The following DOCK8 variants were observed in gnomAD, a reference collection of about 807,000 sequenced individuals.
DOCK8 encodes dedicator of cytokinesis 8.
Under a neutral mutation model 245.6 loss-of-function variants are expected in DOCK8, and 141 were observed. That is an observed-to-expected ratio of 0.57 (90% confidence interval 0.50 to 0.66). The LOEUF (loss-of-function observed/expected upper bound fraction) is 0.66, where lower values mean the gene tolerates loss of function less well. DOCK8 is among the 30% of genes least tolerant of loss of function. The pLI is 0.00. For missense variants in DOCK8, 2,965 were observed against 2,603.4 expected (o/e 1.14, Z -3.02); for synonymous variants, 1,168 against 970.2 (o/e 1.20, Z -3.79).
chr9:296,193 G>A (rs2049253548), intron 4 of DOCK8, among the ~76,000 whole-genome samples: 1 of 152,144 alleles, frequency 6.6e-6, no homozygotes, highest in South Asian at 2.1e-4. Flanking sequence ...CGCCATGTTT[G>A]CTTGTTTGTC....
chr9:216,614 A>G (rs796605935), intron 1 of DOCK8, among the ~76,000 whole-genome samples: 1 of 150,778 alleles, frequency 6.6e-6, no homozygotes, highest in African/African-American at 2.4e-5. Flanking sequence ...TTTCTACATT[A>G]AGGTTCATAG....
At chr9:315,883 C>G (rs564437106) in intron 6 of DOCK8, among the ~76,000 whole-genome samples, 105 of 152,244 alleles carry the variant, frequency 6.9e-4, no homozygotes, top group Middle Eastern at 6.8e-3. Flanking sequence ...AGGTTGTTTT[C>G]CAGTTAGGGA....
intron 1 of DOCK8, among the ~76,000 whole-genome samples, chr9:233,443 C>T (rs373257294): frequency 3.3e-5 from 5 of 151,996 alleles, no homozygotes; most frequent in African/African-American, 9.7e-5. Flanking sequence ...GTCAATTCCT[C>T]GGTATCCTTG....
intron 10 of DOCK8, among the ~76,000 whole-genome samples, chr9:333,587 T>A (rs760617382): frequency 6.9e-6 from 1 of 144,534 alleles, no homozygotes; most frequent in Admixed American, 6.9e-5. Context: ...GGTGACAGAG[T>A]GAGACTCTGT....
chr9:252,675 A>T (rs1336723498), intron 1 of DOCK8, among the ~76,000 whole-genome samples: 1 of 151,594 alleles, frequency 6.6e-6, no homozygotes, highest in Non-Finnish European at 1.5e-5. Context: ...CTGGTGATGC[A>T]TGCCTGTAGC....
intron 6 of DOCK8, chr9:314,438 A>G (rs559533819): frequency 1.3e-5 from 2 of 152,338 alleles, no homozygotes; most frequent in South Asian, 4.1e-4. Flanking sequence ...AGAATGTTCC[A>G]TCTGAACAGA....
intron 6 of DOCK8, 23 bp from the exon 7 acceptor site, chr9:317,020 C>T: frequency 6.3e-7 from 1 of 1,586,514 alleles, no homozygotes. Context: ...CTAATGATTT[C>T]CTTACGATGT....
chr9:258,752 C>T (rs1399252455), intron 1 of DOCK8, among the ~76,000 whole-genome samples: 1 of 151,908 alleles, frequency 6.6e-6, no homozygotes, highest in South Asian at 2.1e-4. Context: ...CATGTGCCAC[C>T]ATGCCCGGAT....
At chr9:416,931 G>C (rs2056044284) in intron 29 of DOCK8, among the ~76,000 whole-genome samples, 1 of 152,228 alleles carries the variant, frequency 6.6e-6, no homozygotes, top group African/African-American at 2.4e-5. Flanking sequence ...ATCAGGTCTT[G>C]CATAATTTCC....
intron 4 of DOCK8, among the ~76,000 whole-genome samples, chr9:302,067 G>A (rs1007993938): frequency 6.6e-6 from 1 of 151,584 alleles, no homozygotes; most frequent in African/African-American, 2.4e-5. Flanking sequence ...AAAGAACAAA[G>A]CCGGTGGCAT....
At chr9:428,230 A>T in intron 34 of DOCK8, 132 bp from the exon 35 acceptor site, 4 of 1,391,974 alleles carry the variant, frequency 2.9e-6, no homozygotes, top group South Asian at 2.4e-5. Flanking sequence ...GATGATACCC[A>T]TGGTGGCTCA....
At chr9:288,499 A>G (rs1563879504) in intron 3 of DOCK8, among the ~76,000 whole-genome samples, 1 of 152,250 alleles carries the variant, frequency 6.6e-6, no homozygotes, top group Non-Finnish European at 1.5e-5. Context: ...ATTAATACAT[A>G]TAAAGTGATT....
At chr9:403,932 G>A (rs180727651) in intron 26 of DOCK8, among the ~76,000 whole-genome samples, 1,374 of 80,428 alleles carry the variant, frequency 0.017, 63 homozygotes, top group African/African-American at 0.074. Flanking sequence ...ATATATATGT[G>A]TATATATATA....
chr9:427,080 C>G (rs1297001524), intron 34 of DOCK8, 99 bp downstream of exon 34: 2 of 972,672 alleles, frequency 2.1e-6, no homozygotes, highest in African/African-American at 1.6e-5. Flanking sequence ...TAAATGTGAT[C>G]CCATAGTACC....
intron 1 of DOCK8, among the ~76,000 whole-genome samples, chr9:269,207 C>G (rs1355772269): frequency 6.6e-6 from 1 of 152,228 alleles, no homozygotes; most frequent in Admixed American, 6.5e-5. Flanking sequence ...CAGCCACTCT[C>G]CATTTCTCTA....
At chr9:360,115 A>C (rs1244820363) in intron 14 of DOCK8, among the ~76,000 whole-genome samples, 1 of 152,080 alleles carries the variant, frequency 6.6e-6, no homozygotes, top group African/African-American at 2.4e-5. Context: ...CAGGAGTTCG[A>C]CACCAGCCTG....
intron 1 of DOCK8, among the ~76,000 whole-genome samples, chr9:219,770 ACCTG>A (rs2046842979): frequency 6.6e-6 from 1 of 152,018 alleles, no homozygotes; most frequent in Non-Finnish European, 1.5e-5. Context: ...GGTGGCTTGC[ACCTG>A]TAGTCCCAGC....
At chr9:219,635 A>C (rs1218431350) in intron 1 of DOCK8, among the ~76,000 whole-genome samples, 1 of 151,926 alleles carries the variant, frequency 6.6e-6, no homozygotes, top group Non-Finnish European at 1.5e-5. Flanking sequence ...GGTGGCTCAC[A>C]CCTGTAACCC....
intron 1 of DOCK8, among the ~76,000 whole-genome samples, chr9:242,784 G>A (rs940435831): frequency 2.6e-5 from 4 of 151,150 alleles, no homozygotes; most frequent in African/African-American, 9.7e-5. Flanking sequence ...GTTTCATCCT[G>A]GCCTTCCACG....
Sources: gnomAD v4.1 joint callset for allele counts (sites outside exome capture counted in the v4.1 genomes callset) on GRCh38, gnomAD v4.1.1 for gene constraint, MANE v1.5 for transcripts, NCBI Gene and HGNC (gene_info 2026-07-23, HGNC 2026-07-21) for gene names.